Variants in PABPC4L observed in about 807,000 individuals in gnomAD.
PABPC4L encodes the protein polyadenylate-binding protein 4-like.
For missense variants in PABPC4L, 452 were observed against 451.4 expected (o/e 1.00, Z -0.01); for synonymous variants, 169 against 164.1 (o/e 1.03, Z -0.23).
At chr4:134,000,857 A>C in the PABPC4L span, among the ~76,000 whole-genome samples, 2 of 152,110 alleles carry the variant, frequency 1.3e-5, no homozygotes, top group Admixed American at 6.5e-5. Context: ...CACCATCAGC[A>C]ATCTGGCTTC....
the PABPC4L span, among the ~76,000 whole-genome samples, chr4:133,996,380 A>G: frequency 6.6e-6 from 1 of 152,148 alleles, no homozygotes; most frequent in South Asian, 2.1e-4. Context: ...ACCATGGGTT[A>G]TGGGAAACAA....
the PABPC4L span, among the ~76,000 whole-genome samples, chr4:134,132,976 T>C: frequency 7.0e-6 from 1 of 143,148 alleles, no homozygotes; most frequent in Non-Finnish European, 1.5e-5. Flanking sequence ...TTATATATTA[T>C]GTATATAATT....
At chr4:134,147,289 T>C in the PABPC4L span, among the ~76,000 whole-genome samples, 1 of 152,066 alleles carries the variant, frequency 6.6e-6, no homozygotes, top group Non-Finnish European at 1.5e-5. Flanking sequence ...GTTATAGAAA[T>C]AATAAGTAGA....
chr4:134,004,907 G>A, the PABPC4L span, among the ~76,000 whole-genome samples: 1 of 151,718 alleles, frequency 6.6e-6, no homozygotes, highest in Non-Finnish European at 1.5e-5. Context: ...TAAAGATAAT[G>A]GAAATCATAG....
At chr4:134,033,083 G>A in the PABPC4L span, among the ~76,000 whole-genome samples, 2 of 149,512 alleles carry the variant, frequency 1.3e-5, no homozygotes, top group Non-Finnish European at 3.0e-5. Context: ...CAAGTCTATA[G>A]GCACCATTTT....
the PABPC4L span, among the ~76,000 whole-genome samples, chr4:133,959,430 G>A: frequency 1.3e-5 from 2 of 152,218 alleles, no homozygotes; most frequent in Non-Finnish European, 2.9e-5. Context: ...CCAGAAATGT[G>A]AGTATGCAAG....
the PABPC4L span, among the ~76,000 whole-genome samples, chr4:133,974,658 T>C: frequency 5.3e-4 from 81 of 152,154 alleles, no homozygotes; most frequent in Admixed American, 1.2e-3. Flanking sequence ...TATAAATAAA[T>C]TCTTCATCTG....
At chr4:134,116,020 T>C in the PABPC4L span, among the ~76,000 whole-genome samples, 2 of 151,798 alleles carry the variant, frequency 1.3e-5, no homozygotes, top group Non-Finnish European at 2.9e-5. Flanking sequence ...AGGAACATAC[T>C]GTACTTGAAA....
the PABPC4L span, among the ~76,000 whole-genome samples, chr4:134,083,186 C>T: frequency 6.6e-6 from 1 of 152,116 alleles, no homozygotes. Context: ...CTGTAATATA[C>T]ATTCTGGATG....
At chr4:134,131,543 T>C in the PABPC4L span, among the ~76,000 whole-genome samples, 9 of 151,318 alleles carry the variant, frequency 5.9e-5, no homozygotes, top group Non-Finnish European at 1.2e-4. Context: ...CTGAGAGAAA[T>C]AACAGCACAA....
chr4:134,149,746 G>T, the PABPC4L span, among the ~76,000 whole-genome samples: 2 of 152,250 alleles, frequency 1.3e-5, no homozygotes, highest in South Asian at 4.1e-4. Context: ...ATTTAGTCAA[G>T]CTAAGGAGAA....
the PABPC4L span, among the ~76,000 whole-genome samples, chr4:133,951,390 G>A: frequency 6.6e-6 from 1 of 152,026 alleles, no homozygotes; most frequent in African/African-American, 2.4e-5. Context: ...TAGAATCTGG[G>A]AATCAGTAAA....
chr4:134,147,726 AGTGTGTGTGT>A, the PABPC4L span, among the ~76,000 whole-genome samples: 1 of 145,350 alleles, frequency 6.9e-6, no homozygotes, highest in Non-Finnish European at 1.5e-5. Flanking sequence ...CAGAAATTAC[AGTGTGTGTGT>A]GTGTGTGTGT....
the PABPC4L span, among the ~76,000 whole-genome samples, chr4:133,991,086 A>G: frequency 2.0e-5 from 3 of 152,306 alleles, no homozygotes; most frequent in South Asian, 6.2e-4. Context: ...CACAGTGATT[A>G]TAACTTGTAT....
chr4:133,986,494 A>G, the PABPC4L span, among the ~76,000 whole-genome samples: 1 of 152,152 alleles, frequency 6.6e-6, no homozygotes, highest in Non-Finnish European at 1.5e-5. Context: ...AATGACAATG[A>G]GAAGAAAATA....
chr4:134,151,706 G>A, the PABPC4L span, among the ~76,000 whole-genome samples: 4 of 151,694 alleles, frequency 2.6e-5, no homozygotes, highest in Non-Finnish European at 4.4e-5. Context: ...AACTATTAGT[G>A]GGGACACATC....
At chr4:134,095,188 G>T in the PABPC4L span, among the ~76,000 whole-genome samples, 3 of 151,612 alleles carry the variant, frequency 2.0e-5, no homozygotes, top group Non-Finnish European at 4.4e-5. Flanking sequence ...TAAGAGATCT[G>T]TAATATAGAG....
At chr4:134,040,436 A>C in the PABPC4L span, among the ~76,000 whole-genome samples, 2 of 152,060 alleles carry the variant, frequency 1.3e-5, no homozygotes, top group African/African-American at 4.8e-5. Context: ...ATCTACAATC[A>C]CCTGATCTTT....
chr4:133,988,629 C>T, the PABPC4L span, among the ~76,000 whole-genome samples: 1 of 152,216 alleles, frequency 6.6e-6, no homozygotes, highest in Admixed American at 6.5e-5. Flanking sequence ...GCTGCTTTCA[C>T]AGGCTCACAT....
Sources: gnomAD v4.1 joint callset for allele counts (sites outside exome capture counted in the v4.1 genomes callset) on GRCh38, gnomAD v4.1.1 for gene constraint, MANE v1.5 for transcripts, NCBI Gene and HGNC (gene_info 2026-07-23, HGNC 2026-07-21) for gene names.